Variants in EDEM1 observed in about 807,000 individuals in gnomAD.
The protein encoded by EDEM1 is ER degradation enhancing alpha-mannosidase like protein 1, also known as ER degradation-enhancing alpha-mannosidase-like protein 1.
In EDEM1, 67 loss-of-function variants were observed where a neutral mutation model predicts 74.4. That is an observed-to-expected ratio of 0.90 (90% CI 0.74 to 1.10). The LOEUF (loss-of-function observed/expected upper bound fraction) is 1.10, where lower values mean the gene tolerates loss of function less well. Among genes scored for constraint, EDEM1 ranks in the 50% least tolerant of loss-of-function variants. EDEM1 has a pLI of 0.00. For missense variants in EDEM1, 926 were observed against 851.6 expected (o/e 1.09, Z -1.09); for synonymous variants, 382 against 335.9 (o/e 1.14, Z -1.50).
At chr3:5,213,271 C>G in intron 10 of EDEM1, 48 bp from the exon 11 acceptor site, 1 of 1,560,518 alleles carries the variant, frequency 6.4e-7, no homozygotes, top group Non-Finnish European at 8.7e-7. Context: ...GATTCAGTTC[C>G]CAGTGTGCTA....
rs538167796 is a variant in EDEM1 at position 5,208,645 on chromosome 3, G to T, written c.1509+382G>T. On this transcript the variant is annotated intron_variant, in intron 8 of 11. Coordinates refer to ENST00000256497, the MANE Select transcript of EDEM1 (RefSeq NM_014674.3). The stretch of plus-strand genomic sequence containing the variant: ...AGTGTACTGTGGAGCCCCGGTCTGT[G>T]TAACAACTATTCAGACAAAAAGAAA... Among the ~76,000 whole-genome samples, 3 of 152,140 alleles carry T rather than the reference G, an allele frequency of 2.0e-5. No individual in the cohort carries two copies. The South Asian group carries it at 6.2e-4, about 32-fold the overall frequency.
Position 5,219,188 on chromosome 3 carries a change from G to T in EDEM1, c.*3270G>T, listed in dbSNP as rs1264844988. The stretch of plus-strand genomic sequence containing the variant: ...CTGTAATTCCTCTTTGGATTGTGTA[G>T]ACTCAACATGAGACATTCCTTTCTG... On this transcript the variant is annotated 3_prime_UTR_variant, in exon 12 of 12. Transcript: ENST00000256497. The T allele has an allele frequency of 6.6e-6, 1 of 152,222 alleles. No individual in the cohort carries two copies. Among genetic ancestry groups the T allele is most frequent in the East Asian group, 1.9e-4 (1 of 5,180 alleles). 9.4% of individuals were successfully genotyped at this position (152,222 alleles called of 1,614,324 possible). A position where few individuals can be genotyped will look rare whatever the true frequency, so the allele number is the denominator to read the frequency against.
At chr3:5,191,091 G>T (rs2054897044) in intron 1 of EDEM1, among the ~76,000 whole-genome samples, 1 of 152,074 alleles carries the variant, frequency 6.6e-6, no homozygotes, top group Non-Finnish European at 1.5e-5. Flanking sequence ...ATTGACTGTA[G>T]TCCTCCTGTT....
At chr3:5,201,307 C>CT (rs1302863145) in intron 3 of EDEM1, among the ~76,000 whole-genome samples, 1 of 151,792 alleles carries the variant, frequency 6.6e-6, no homozygotes, top group African/African-American at 2.4e-5. Flanking sequence ...GTGTGTGCCA[C>CT]TACATGCGGC....
At chr3:5,207,866 G>A (rs866329223) in intron 7 of EDEM1, among the ~76,000 whole-genome samples, 9 of 152,128 alleles carry the variant, frequency 5.9e-5, no homozygotes, top group East Asian at 1.9e-4. Context: ...ATGAGTACAC[G>A]TAATCTCTTT....
At chr3:5,212,662 T>C (rs1053504981) in intron 10 of EDEM1, among the ~76,000 whole-genome samples, 1 of 152,234 alleles carries the variant, frequency 6.6e-6, no homozygotes. Flanking sequence ...TTCTAGGTAT[T>C]CATTCATTCA....
chr3:5,204,522 C>T (rs2055072302), intron 5 of EDEM1, among the ~76,000 whole-genome samples: 1 of 152,102 alleles, frequency 6.6e-6, no homozygotes, highest in Non-Finnish European at 1.5e-5. Flanking sequence ...TCCTGAGTAG[C>T]TGGCACTACA....
intron 6 of EDEM1, among the ~76,000 whole-genome samples, chr3:5,205,747 GAA>G (rs2055088114): frequency 6.6e-6 from 1 of 152,218 alleles, no homozygotes; most frequent in South Asian, 2.1e-4. Context: ...GAGAGAAAAA[GAA>G]AGAGGCCAAA....
rs1265595840 is a variant in EDEM1, at chr3:5,192,112, C to T, written c.510-3097C>T. Among the ~76,000 whole-genome samples the T allele has an allele frequency of 1.1e-4, 16 of 152,346 alleles. No homozygotes were observed. The East Asian group carries it at 1.9e-3, about 18-fold the overall frequency. On this transcript the variant is annotated intron_variant, in intron 1 of 11. Transcript: ENST00000256497. ...TTCAGAGTCAGGCTCCTCTTGTTTCCGTGACACCATCTAACTGTTTGAAGA... is the reference window on the plus strand; with the variant it reads ...TTCAGAGTCAGGCTCCTCTTGTTTCTGTGACACCATCTAACTGTTTGAAGA...
Position 5,215,902 on chromosome 3 carries a change from TG to T in EDEM1, c.1960del (p.Val654LeufsTer3). On this transcript the variant is annotated frameshift_variant, in exon 12 of 12. Transcript: ENST00000256497. LOFTEE classifies it high-confidence loss of function. ...ATCTACATGCGACAGATTGACCAGA[TG>T]GTTGGTTTGATTTGATCTGCTCTCT... ...KSIYMRQIDQ[M>X]VGLI is the part of the protein sequence containing the mutation. 2 of 1,613,044 alleles carry T rather than the reference TG, an allele frequency of 1.2e-6. No homozygotes were observed. Among genetic ancestry groups the T allele is most frequent in the Non-Finnish European group, 1.7e-6 (2 of 1,179,598 alleles).
At chr3:5,202,836 G>A (rs1034834904) in intron 4 of EDEM1, 130 bp from the exon 5 acceptor site, 24 of 696,282 alleles carry the variant, frequency 3.4e-5, no homozygotes, top group Non-Finnish European at 1.4e-5. Flanking sequence ...GATGTATCTT[G>A]GAAGGCAGAG....
At chr3:5,213,597 T>A in intron 11 of EDEM1, 75 bp downstream of exon 11, 1 of 1,405,082 alleles carries the variant, frequency 7.1e-7, no homozygotes, top group South Asian at 1.4e-5. Context: ...TTGTTCAGAC[T>A]TCCTGACAGA....
rs530416421 is a variant in EDEM1 at position 5,190,708 on chromosome 3, C to G, written c.509+2394C>G. Among the ~76,000 whole-genome samples, 3 of 152,154 alleles carry G rather than the reference C, an allele frequency of 2.0e-5. No homozygotes were observed. In the East Asian group the frequency reaches 5.8e-4, roughly 29 times the overall value. ...GGATGGCATTAGGGAAGGGTTGTGC[C>G]CTGAGCTGGGTAGGCCCGTTGGTTG... On this transcript the variant is annotated intron_variant, in intron 1 of 11. Coordinates refer to ENST00000256497, the MANE Select transcript of EDEM1 (RefSeq NM_014674.3).
At position 5,188,239 on chromosome 3, in the gene EDEM1, A is replaced by G. The variant is rs1371889868; in HGVS notation, c.434A>G (p.Tyr145Cys). The change falls in exon 1 of 12, where the codon TAC becomes TGC. Residue 145 changes from tyrosine (Y) to cysteine (C), a missense_variant. Transcript: ENST00000256497. ...RGMFVFGYDN[Y>C]MAHAFPQDEL... ...ATGTTCGTCTTTGGCTACGACAACT[A>G]CATGGCTCACGCCTTCCCCCAGGAC... 1.3e-6 allele frequency: 2 copies of G among 1,583,052 alleles called. No individual in the cohort carries two copies. Among genetic ancestry groups the G allele is most frequent in the Non-Finnish European group, 8.6e-7 (1 of 1,166,942 alleles).
Position 5,195,195 on chromosome 3 carries a change from A to ATT in EDEM1, c.510-11_510-10dup. On this transcript the variant is annotated splice_polypyrimidine_tract_variant and intron_variant, in intron 1 of 11. Transcript: ENST00000256497. ...AATAAAGTCTTTTTGTTGAATTTTA[A>ATT]TTTTCTTTTTCAGTTCAAATCTGAA... The ATT allele has an allele frequency of 6.9e-7, 1 of 1,458,216 alleles. No individual in the cohort carries two copies. Among genetic ancestry groups the ATT allele is most frequent in the Non-Finnish European group, 9.1e-7 (1 of 1,094,042 alleles). The allele number at this position is 1,458,216 out of a possible 1,614,324, so 90.3% of individuals were successfully genotyped here.
chr3:5,215,801 T>C, intron 11 of EDEM1, 28 bp from the exon 12 acceptor site: 1 of 1,600,450 alleles, frequency 6.2e-7, no homozygotes, highest in Non-Finnish European at 8.6e-7. Context: ...TATGAGTTTT[T>C]AATTTTCCCT....
In EDEM1 at chr3:5,188,014, C is replaced by T. The variant is rs763827559; in HGVS notation, c.209C>T (p.Ser70Leu). 3.0e-4 allele frequency: 441 copies of T among 1,477,662 alleles called. No individual in the cohort carries two copies. The highest frequency in any genetic ancestry group is 3.7e-4 in the Non-Finnish European group (418 of 1,117,836). The allele number at this position is 1,477,662 out of a possible 1,614,324, so 91.5% of individuals were successfully genotyped here. Residue 70 changes from serine to leucine, a missense_variant, in exon 1 of 12, where the codon TCG becomes TTG. Transcript: ENST00000256497. ...VGRPGGVSGPSWLQPPGTGAA... is the reference protein window; with the variant it reads ...VGRPGGVSGPLWLQPPGTGAA... Reference sequence around the variant, plus strand: ...CGGCCTGGGGGGGTATCCGGGCCGTCGTGGCTGCAGCCGCCGGGGACCGGG... The same window carrying T: ...CGGCCTGGGGGGGTATCCGGGCCGTTGTGGCTGCAGCCGCCGGGGACCGGG...
Position 5,202,969 on chromosome 3 carries a change from A to T in EDEM1, c.862A>T (p.Asn288Tyr), listed in dbSNP as rs2055051179. The T allele has an allele frequency of 1.2e-6, 2 of 1,613,040 alleles. No homozygotes were observed. Among genetic ancestry groups the T allele is most frequent in the Non-Finnish European group, 8.5e-7 (1 of 1,179,556 alleles). Residue 288 changes from asparagine (N) to tyrosine (Y), a missense_variant, in exon 5 of 12, where the codon AAT becomes TAT. Asn to Tyr is a moderately radical substitution (Grantham distance 143, BLOSUM62 -2). Transcript: ENST00000256497. ...CTTTGTCTGTTCCCATCCCCAGGTG[A>T]ATCTAAAGACAGGAGTTCCTCCTGA... ...TKTGIPYPRV[N>Y]LKTGVPPDTN...
chr3:5,196,481 C>G (rs2054969215), intron 2 of EDEM1, among the ~76,000 whole-genome samples: 1 of 151,672 alleles, frequency 6.6e-6, no homozygotes, highest in African/African-American at 2.4e-5. Context: ...CACACACACA[C>G]ACAAGAATTG....
Sources: gnomAD v4.1 joint callset for allele counts (sites outside exome capture counted in the v4.1 genomes callset) on GRCh38, gnomAD v4.1.1 for gene constraint, MANE v1.5 for transcripts, NCBI Gene and HGNC (gene_info 2026-07-23, HGNC 2026-07-21) for gene names.